VPS13C: variants seen among roughly 807,000 people sequenced by gnomAD.
VPS13C encodes the protein intermembrane lipid transfer protein VPS13C.
VPS13C carries 358 observed loss-of-function variants against 456.8 expected under a neutral mutation model. The ratio of observed to expected loss-of-function variants is 0.78; its 90% CI spans 0.72 to 0.86. VPS13C has a LOEUF of 0.86. VPS13C is among the 40% of genes least tolerant of loss of function. VPS13C has a pLI of 0.00. For synonymous variants in VPS13C, 1,578 were observed against 1,486.7 expected, an observed-to-expected ratio of 1.06 and a Z score of -1.41; for missense variants, 4,818 against 4,385.4, an observed-to-expected ratio of 1.10 and a Z score of -2.79.
chr15:62,058,252 A>C (rs1187011436), intron 1 of VPS13C, among the ~76,000 whole-genome samples: 2 of 152,244 alleles, frequency 1.3e-5, no homozygotes, highest in African/African-American at 4.8e-5. Context: ...ACTATAAGGA[A>C]TCACTGGAAA....
At chr15:62,023,287 G>A (rs1214880207) in intron 8 of VPS13C, 124 bp downstream of exon 8, 1 of 523,848 alleles carries the variant, frequency 1.9e-6, no homozygotes, top group Admixed American at 3.9e-5. Context: ...ATATGGTAGT[G>A]TACTCATAAG....
chr15:61,976,248 G>GGAT (rs1349593090), intron 24 of VPS13C, among the ~76,000 whole-genome samples: 1 of 151,890 alleles, frequency 6.6e-6, no homozygotes, highest in Non-Finnish European at 1.5e-5. Context: ...CTGATAAAGG[G>GGAT]TATCAGTGAA....
chr15:61,987,550 T>C (rs181820333), intron 18 of VPS13C, among the ~76,000 whole-genome samples: 5 of 151,500 alleles, frequency 3.3e-5, no homozygotes, highest in African/African-American at 1.2e-4. Context: ...GATTCAATTA[T>C]TACCACTTGC....
chr15:61,883,411 A>G (rs1199032863), intron 68 of VPS13C, among the ~76,000 whole-genome samples: 1 of 152,112 alleles, frequency 6.6e-6, no homozygotes, highest in Non-Finnish European at 1.5e-5. Flanking sequence ...TGAATTATAT[A>G]GTTTTTTATC....
intron 38 of VPS13C, 44 bp from the exon 39 acceptor site, chr15:61,952,024 T>C (rs369534277): frequency 1.3e-6 from 2 of 1,588,680 alleles, no homozygotes; most frequent in African/African-American, 1.4e-5. Context: ...TTCACCAATA[T>C]GCAATGAAGG....
chr15:61,978,576 C>G (rs1421225500), intron 23 of VPS13C, 50 bp downstream of exon 23: 52 of 1,585,214 alleles, frequency 3.3e-5, no homozygotes, highest in Non-Finnish European at 4.4e-5. Flanking sequence ...GTATATTACA[C>G]AAACTACCCA....
intron 37 of VPS13C, among the ~76,000 whole-genome samples, chr15:61,958,302 T>C (rs2045077142): frequency 6.6e-6 from 1 of 152,008 alleles, no homozygotes; most frequent in Admixed American, 6.6e-5. Flanking sequence ...CTCAAAATGG[T>C]TTCTTCTATA....
chr15:61,975,987 C>T (rs11634693), intron 24 of VPS13C, among the ~76,000 whole-genome samples: 82,903 of 151,870 alleles, frequency 0.55, 22,906 homozygotes, highest in Admixed American at 0.62. Flanking sequence ...AAACATGAAA[C>T]TGATTTATGT....
intron 42 of VPS13C, among the ~76,000 whole-genome samples, chr15:61,949,150 T>C (rs992172798): frequency 6.6e-6 from 1 of 152,176 alleles, no homozygotes; most frequent in Non-Finnish European, 1.5e-5. Flanking sequence ...CTCACTTCCA[T>C]TGAACTGAAG....
chr15:61,946,904 A>C (rs987568775), intron 43 of VPS13C, among the ~76,000 whole-genome samples: 3 of 152,096 alleles, frequency 2.0e-5, no homozygotes, highest in Non-Finnish European at 4.4e-5. Context: ...ACAGTCTTCT[A>C]AGATTTCCCT....
intron 47 of VPS13C, among the ~76,000 whole-genome samples, chr15:61,939,088 T>C (rs1306560663): frequency 6.6e-6 from 1 of 152,216 alleles, no homozygotes; most frequent in Non-Finnish European, 1.5e-5. Flanking sequence ...CAACATCCAT[T>C]ATATGAAGAT....
intron 5 of VPS13C, among the ~76,000 whole-genome samples, chr15:62,032,888 A>G (rs1333241514): frequency 1.3e-5 from 2 of 151,776 alleles, no homozygotes; most frequent in Non-Finnish European, 3.0e-5. Flanking sequence ...TAAACCAAAC[A>G]AAGTCATCAG....
At chr15:62,052,213 ATTTT>A (rs1391374123) in intron 1 of VPS13C, among the ~76,000 whole-genome samples, 4 of 152,186 alleles carry the variant, frequency 2.6e-5, no homozygotes, top group Admixed American at 2.0e-4. Context: ...CTTTGTATTT[ATTTT>A]TTAAGATTTT....
intron 66 of VPS13C, among the ~76,000 whole-genome samples, chr15:61,896,229 AACT>A (rs2042806843): frequency 6.6e-6 from 1 of 152,172 alleles, no homozygotes; most frequent in Admixed American, 6.5e-5. Context: ...TTAAAAAATA[AACT>A]AATAAGGGGG....
In VPS13C at chr15:61,917,560, C is replaced by T; in HGVS notation, c.7836G>A (p.Lys2612=). 3.7e-6 allele frequency: 6 copies of T among 1,613,936 alleles called. No individual in the cohort carries two copies. The highest frequency in any genetic ancestry group is 5.1e-6 in the Non-Finnish European group (6 of 1,179,860). Residue 2612 remains lysine (K), a synonymous_variant, in exon 60 of 85, where the codon AAG becomes AAA. Transcript: ENST00000644861. ...CTTCCCTGCTCCTATGAAGTTCTTC[C>T]TTCCAGGAAATATAAGTGGTAGATT... ...YKESTTYISW[K]EELHRSREVR...
At chr15:62,048,302 G>A (rs1190657325) in intron 1 of VPS13C, among the ~76,000 whole-genome samples, 4 of 125,078 alleles carry the variant, frequency 3.2e-5, no homozygotes, top group African/African-American at 1.2e-4. Context: ...CCCTTCCTGT[G>A]TCCATGTGTT....
intron 31 of VPS13C, among the ~76,000 whole-genome samples, chr15:61,964,417 A>G (rs2045315222): frequency 6.6e-6 from 1 of 152,026 alleles, no homozygotes; most frequent in Admixed American, 6.6e-5. Flanking sequence ...GGAGCCACTG[A>G]GCGGGGAGGA....
rs951487593 is a variant in VPS13C, at chr15:61,865,648, GTA to G, written c.10864-2122_10864-2121del. The G allele has an allele frequency of 2.2e-4, 81 of 376,480 alleles. 1 individual carries two copies. The highest frequency in any genetic ancestry group is 1.5e-3 in the Middle Eastern group (1 of 672). The allele number at this position is 376,480 out of a possible 1,614,324, so 23.3% of individuals were successfully genotyped here. A position where few individuals can be genotyped will look rare whatever the true frequency, so the allele number is the denominator to read the frequency against. The stretch of plus-strand genomic sequence containing the variant: ...TACATATGGGTATATTTGTATGTGT[GTA>G]TATATATGTATGTGTATATATGTGT... On this transcript the variant is annotated intron_variant, in intron 81 of 84. Transcript: ENST00000644861.
In VPS13C at chr15:61,991,748, G is replaced by A. The variant is rs376593674; in HGVS notation, c.1408C>T (p.Arg470Cys). 1.2e-4 allele frequency: 201 copies of A among 1,612,932 alleles called. No homozygotes were observed. The highest frequency in any genetic ancestry group is 1.8e-4 in the South Asian group (16 of 90,966). Residue 470 changes from arginine (R) to cysteine (C), a missense_variant, in exon 17 of 85, where the codon CGT (arginine) becomes TGT (cysteine). Coordinates refer to ENST00000644861, the MANE Select transcript of VPS13C (RefSeq NM_020821.3). ...CACAACCCACTAAACCAGCCTCCACGTTTCTCGCCTGTGTCAGCAGACTTT... is the reference window on the plus strand; with the variant it reads ...CACAACCCACTAAACCAGCCTCCACATTTCTCGCCTGTGTCAGCAGACTTT... ...RKKSADTGEKRGGWFSGLWGK... is the reference protein window; with the variant it reads ...RKKSADTGEKCGGWFSGLWGK...
Sources: gnomAD v4.1 joint callset for allele counts (sites outside exome capture counted in the v4.1 genomes callset) on GRCh38, gnomAD v4.1.1 for gene constraint, MANE v1.5 for transcripts, NCBI Gene and HGNC (gene_info 2026-07-23, HGNC 2026-07-21) for gene names.